The following PSPC1 variants were observed in gnomAD, a reference collection of about 807,000 sequenced individuals.
PSPC1 encodes the protein paraspeckle protein 1.
A neutral mutation model predicts 51.6 loss-of-function variants in PSPC1; 14 were observed. The ratio of observed to expected loss-of-function variants is 0.27; its 90% CI spans 0.18 to 0.42. The LOEUF (loss-of-function observed/expected upper bound fraction) is 0.42. Among genes scored for constraint, PSPC1 ranks in the 10% least tolerant of loss-of-function variants. The pLI is 1.00. For missense variants in PSPC1, 406 were observed against 701.1 expected, an observed-to-expected ratio of 0.58 and a Z score of 4.75; for synonymous variants, 193 against 231.9, an observed-to-expected ratio of 0.83 and a Z score of 1.53.
chr13:19,712,760 T>C (rs1463525357), intron 6 of PSPC1, among the ~76,000 whole-genome samples: 1 of 152,008 alleles, frequency 6.6e-6, no homozygotes, highest in Non-Finnish European at 1.5e-5. Flanking sequence ...TATATATATA[T>C]ACTTGTACTT....
chr13:19,676,963 A>G lies in PSPC1; in HGVS notation c.*76+761T>C, dbSNP rs944461992. The stretch of plus-strand genomic sequence containing the variant: ...GATTACATATTTTCTGGCCGGGCAC[A>G]GTGGCTCACGCCTCTAATCCCAGCA... On this transcript the variant is annotated intron_variant and NMD_transcript_variant, in intron 7 of 7. Coordinates refer to the PSPC1 transcript ENST00000471658. 7.2e-5 allele frequency among the ~76,000 whole-genome samples: 11 copies of G among 152,332 alleles called. No homozygotes were observed. In the East Asian group the frequency reaches 9.6e-4, roughly 13 times the overall value.
At chr13:19,690,454 C>T (rs1878418121) in intron 6 of PSPC1, among the ~76,000 whole-genome samples, 1 of 152,108 alleles carries the variant, frequency 6.6e-6, no homozygotes, top group African/African-American at 2.4e-5. Context: ...CAATGTATAA[C>T]AAAGGAAGAA....
chr13:19,747,189 C>T (rs571094571), intron 4 of PSPC1, among the ~76,000 whole-genome samples: 2 of 152,202 alleles, frequency 1.3e-5, no homozygotes, highest in African/African-American at 4.8e-5. Context: ...CTTTTAAAAA[C>T]AAACTGAAAA....
rs553639913 is a variant in PSPC1 at position 19,741,241 on chromosome 13, C to A, written c.1052+324G>T. Among the ~76,000 whole-genome samples the A allele has an allele frequency of 3.2e-4, 49 of 152,230 alleles. 1 individual carries two copies. The highest frequency in any genetic ancestry group is 1.1e-3 in the African/African-American group (46 of 41,544). On this transcript the variant is annotated intron_variant, in intron 5 of 8. Transcript: ENST00000338910. ...TAAAGATATTCATAGTAGAGTTTTA[C>A]ACATAACAAAATAAATAAGAGCAAC...
intron 5 of PSPC1, among the ~76,000 whole-genome samples, chr13:19,736,191 A>C (rs73166988): frequency 0.023 from 3,493 of 152,174 alleles, 43 homozygotes; most frequent in Middle Eastern, 0.075. Flanking sequence ...ATTTCAAAAG[A>C]AACTCCCCAG....
chr13:19,749,368 A>G (rs1195800850), intron 4 of PSPC1, among the ~76,000 whole-genome samples: 1 of 151,482 alleles, frequency 6.6e-6, no homozygotes, highest in Non-Finnish European at 1.5e-5. Flanking sequence ...AAAAGCAAAA[A>G]AATTAGCTGG....
rs532722374 is a variant in PSPC1, at chr13:19,769,624, A to G, written c.674+2618T>C. Reference sequence around the variant, plus strand: ...GTGGCGCATGCCTGTAATCCCAGCTATCTGGGAGGCTGAGCCAGGAGAATC... The same window carrying G: ...GTGGCGCATGCCTGTAATCCCAGCTGTCTGGGAGGCTGAGCCAGGAGAATC... On this transcript the variant is annotated intron_variant, in intron 2 of 8. Transcript: ENST00000338910. Among the ~76,000 whole-genome samples the G allele has an allele frequency of 1.3e-3, 198 of 152,052 alleles. 1 individual carries two copies. The highest frequency in any genetic ancestry group is 4.5e-3 in the African/African-American group (186 of 41,502).
At chr13:19,727,466 C>T (rs369845766) in intron 6 of PSPC1, among the ~76,000 whole-genome samples, 2 of 152,176 alleles carry the variant, frequency 1.3e-5, no homozygotes, top group East Asian at 3.9e-4. Flanking sequence ...AAACATCACC[C>T]CAATTTTCCT....
At chr13:19,747,471 TACAGAC>T (rs554399086) in intron 4 of PSPC1, among the ~76,000 whole-genome samples, 107 of 152,178 alleles carry the variant, frequency 7.0e-4, no homozygotes, top group Non-Finnish European at 1.2e-3. Context: ...TAGCTGCAAC[TACAGAC>T]ACATGCCACC....
intron 6 of PSPC1, among the ~76,000 whole-genome samples, chr13:19,711,263 T>G (rs1224561096): frequency 6.6e-6 from 1 of 152,170 alleles, no homozygotes; most frequent in Non-Finnish European, 1.5e-5. Context: ...CTCACGCCAG[T>G]AATCCCAACA....
intron 1 of PSPC1, among the ~76,000 whole-genome samples, chr13:19,776,564 G>A (rs1045759400): frequency 2.6e-5 from 4 of 151,678 alleles, no homozygotes; most frequent in Admixed American, 6.6e-5. Context: ...CCAGGCTGGA[G>A]TGCAGCTGCG....
At position 19,724,961 on chromosome 13, in the gene PSPC1, T is replaced by C. The variant is rs61358599; in HGVS notation, c.1158+5278A>G. On this transcript the variant is annotated intron_variant, in intron 6 of 8. Transcript: ENST00000338910. The stretch of plus-strand genomic sequence containing the variant: ...TTGGAGTGGGCCGAAATCATGTCAC[T>C]GCACTCCAGCCTGGCGAGACAGCAA... 2.2e-3 allele frequency among the ~76,000 whole-genome samples: 337 copies of C among 152,010 alleles called. 1 individual carries two copies. Among genetic ancestry groups the C allele is most frequent in the African/African-American group, 8.1e-3 (334 of 41,452 alleles).
intron 6 of PSPC1, among the ~76,000 whole-genome samples, chr13:19,696,422 T>C (rs990167442): frequency 2.0e-5 from 3 of 151,988 alleles, no homozygotes; most frequent in Non-Finnish European, 4.4e-5. Context: ...ATACAGCAAA[T>C]AGATGCTCTC....
chr13:19,691,887 T>C (rs992567608), intron 6 of PSPC1, among the ~76,000 whole-genome samples: 4 of 151,714 alleles, frequency 2.6e-5, no homozygotes, highest in African/African-American at 4.8e-5. Context: ...CACTGTACCC[T>C]AGACTGAGTG....
rs181945775 is a variant in PSPC1, at chr13:19,710,114, A to G, written c.1159-515T>C. ...TCTAAATATTATAATTCATTCATGT[A>G]TTTGTATTCATCTACTCAAGCATTA... On this transcript the variant is annotated intron_variant, in intron 6 of 8. Transcript: ENST00000338910. 2.0e-3 allele frequency among the ~76,000 whole-genome samples: 303 copies of G among 151,426 alleles called. 1 individual carries two copies. Among genetic ancestry groups the G allele is most frequent in the Admixed American group, 6.8e-3 (103 of 15,220 alleles).
At chr13:19,745,527 A>G (rs2138072940) in intron 4 of PSPC1, among the ~76,000 whole-genome samples, 1 of 152,296 alleles carries the variant, frequency 6.6e-6, no homozygotes, top group African/African-American at 2.4e-5. Context: ...CTTCTGATCT[A>G]ACAATTTTAT....
chr13:19,730,103 T>G (rs1001888649), intron 6 of PSPC1, 136 bp downstream of exon 6: 2 of 661,980 alleles, frequency 3.0e-6, no homozygotes, highest in South Asian at 4.9e-5. Flanking sequence ...GTTAAGAAAA[T>G]CACTAATTTA....
intron 7 of PSPC1, among the ~76,000 whole-genome samples, chr13:19,677,234 A>T (rs1407797804): frequency 6.9e-5 from 1 of 14,414 alleles, no homozygotes; most frequent in South Asian, 4.1e-3. Context: ...CTCCGTCTCA[A>T]AAAAAAAAAA....
chr13:19,707,680 C>T (rs1377390471), intron 7 of PSPC1, among the ~76,000 whole-genome samples: 1 of 152,038 alleles, frequency 6.6e-6, no homozygotes, highest in African/African-American at 2.4e-5. Context: ...ATCTTCAATT[C>T]CTAACTAAAT....
Sources: gnomAD v4.1 joint callset for allele counts (sites outside exome capture counted in the v4.1 genomes callset) on GRCh38, gnomAD v4.1.1 for gene constraint, MANE v1.5 for transcripts, NCBI Gene and HGNC (gene_info 2026-07-23, HGNC 2026-07-21) for gene names.